The following CLDN16 variants were observed in gnomAD, a reference collection of about 807,000 sequenced individuals.
The protein encoded by CLDN16 is claudin-16.
A neutral mutation model predicts 24.6 loss-of-function variants in CLDN16; 13 were observed. The ratio of observed to expected loss-of-function variants is 0.53; its 90% CI spans 0.34 to 0.84. CLDN16 has a LOEUF of 0.84. Ranked by LOEUF, CLDN16 falls within the 40% of genes least tolerant of loss-of-function variation. CLDN16 has a pLI of 0.01. For synonymous variants in CLDN16, 116 were observed against 106.7 expected (o/e 1.09, Z -0.54); for missense variants, 298 against 292.7 (o/e 1.02, Z -0.13).
At chr3:190,386,348 C>T (rs756185756), upstream of CLDN16, among the ~76,000 whole-genome samples, 3 of 152,068 alleles carry the variant, frequency 2.0e-5, no homozygotes, top group African/African-American at 7.2e-5. Flanking sequence ...ATAGTTATAA[C>T]GATCGCTAAT....
At chr3:190,307,944 ACTGT>A in the CLDN16 span, 8 of 204,614 alleles carry the variant, frequency 3.9e-5, no homozygotes, top group Non-Finnish European at 7.1e-5. Context: ...ATAGTATTTT[ACTGT>A]CTATTTTTAA....
At chr3:190,362,318 C>A (rs1349274424) in intron 1 of CLDN16, among the ~76,000 whole-genome samples, 1 of 151,894 alleles carries the variant, frequency 6.6e-6, no homozygotes, top group Non-Finnish European at 1.5e-5. Flanking sequence ...GAACAGCTGA[C>A]ACCACCCAAG....
chr3:190,299,802 G>GA, the CLDN16 span, among the ~76,000 whole-genome samples: 1 of 152,100 alleles, frequency 6.6e-6, no homozygotes, highest in East Asian at 1.9e-4. Flanking sequence ...GAGGATTTAT[G>GA]AAAAAGTTTT....
At chr3:190,324,655 T>C (rs765466811) in intron 1 of CLDN16, among the ~76,000 whole-genome samples, 7 of 152,190 alleles carry the variant, frequency 4.6e-5, no homozygotes, top group Non-Finnish European at 8.8e-5. Context: ...GTTTTTGTTT[T>C]GTATTTCAGG....
chr3:190,334,717 C>T (rs1693460544), intron 1 of CLDN16, among the ~76,000 whole-genome samples: 1 of 152,210 alleles, frequency 6.6e-6, no homozygotes, highest in African/African-American at 2.4e-5. Flanking sequence ...TAACCCATCT[C>T]CCAGGTGCTA....
At chr3:190,361,355 G>A (rs77379409) in intron 1 of CLDN16, among the ~76,000 whole-genome samples, 15,678 of 151,982 alleles carry the variant, frequency 0.1, 1,097 homozygotes, top group African/African-American at 0.2. Flanking sequence ...CCTAACCGAC[G>A]CCATCTTGCC....
chr3:190,324,065 G>A (rs1189291294), intron 1 of CLDN16, among the ~76,000 whole-genome samples: 3 of 152,178 alleles, frequency 2.0e-5, no homozygotes, highest in Non-Finnish European at 4.4e-5. Flanking sequence ...AAAATTCCCT[G>A]ATCAGAGAAG....
At chr3:190,404,990 A>G (rs1719057339) in intron 3 of CLDN16, 64 bp downstream of exon 3, 3 of 1,524,346 alleles carry the variant, frequency 2.0e-6, no homozygotes, top group Admixed American at 3.3e-5. Flanking sequence ...GAGGTGAAGG[A>G]GAGAGTTGTG....
the CLDN16 span, among the ~76,000 whole-genome samples, chr3:190,298,876 T>A: frequency 6.6e-6 from 1 of 152,230 alleles, no homozygotes; most frequent in Non-Finnish European, 1.5e-5. Context: ...AGTGAAAATT[T>A]TAAAGGTTTC....
chr3:190,290,439 G>C, the CLDN16 span, among the ~76,000 whole-genome samples: 3 of 152,118 alleles, frequency 2.0e-5, no homozygotes, highest in African/African-American at 7.2e-5. Flanking sequence ...ATTAGGTTTA[G>C]TCTAAATTGT....
At chr3:190,335,708 CAAAAAAAAAAAAA>C (rs34082811) in intron 1 of CLDN16, among the ~76,000 whole-genome samples, 2 of 60,136 alleles carry the variant, frequency 3.3e-5, no homozygotes, top group South Asian at 9.3e-4. Flanking sequence ...AAGACTCCAT[CAAAAAAAAAAAAA>C]AAAAAAAAAA....
At position 190,410,927 on chromosome 3, in the gene CLDN16, A is replaced by T. The variant is rs1719261560; in HGVS notation, c.*891A>T. The T allele has an allele frequency of 6.6e-6, 1 of 152,214 alleles. No individual in the cohort carries two copies. Among genetic ancestry groups the T allele is most frequent in the Admixed American group, 6.5e-5 (1 of 15,282 alleles). The allele number at this position is 152,214 out of a possible 1,614,324, so 9.4% of individuals were successfully genotyped here. A position where few individuals can be genotyped will look rare whatever the true frequency, so the allele number is the denominator to read the frequency against. ...ACATATGGCAAAATTCAACAAATAT[A>T]TTTTGATATAAATAAATAAACGTTC... is the stretch of plus-strand genomic sequence containing the variant. On this transcript the variant is annotated 3_prime_UTR_variant, in exon 5 of 5. Coordinates refer to ENST00000264734, the MANE Select transcript of CLDN16 (RefSeq NM_006580.4).
At chr3:190,388,010 A>G, upstream of CLDN16, 1 of 1,021,908 alleles carries the variant, frequency 9.8e-7, no homozygotes, top group South Asian at 1.4e-5. Context: ...GACCACCACT[A>G]GCCCACAGTT....
chr3:190,380,477 T>C (rs1294622157), intron 3 of CLDN16, among the ~76,000 whole-genome samples: 2 of 151,900 alleles, frequency 1.3e-5, no homozygotes, highest in Admixed American at 6.6e-5. Flanking sequence ...GTAGGGAAAA[T>C]AAAAAAGCAT....
chr3:190,358,672 A>AAAC (rs199596629), intron 1 of CLDN16, among the ~76,000 whole-genome samples: 4,288 of 151,266 alleles, frequency 0.028, 94 homozygotes, highest in East Asian at 0.055. Context: ...AAATTAAAAA[A>AAAC]AACAACAAGT....
the CLDN16 span, among the ~76,000 whole-genome samples, chr3:190,315,467 A>C: frequency 6.6e-6 from 1 of 152,168 alleles, no homozygotes; most frequent in African/African-American, 2.4e-5. Context: ...AAGAAGATGG[A>C]TTCTATTCTA....
chr3:190,298,665 C>A, the CLDN16 span, among the ~76,000 whole-genome samples: 1 of 151,862 alleles, frequency 6.6e-6, no homozygotes, highest in African/African-American at 2.4e-5. Context: ...ATGTTTCTCC[C>A]GACCTCAGGT....
the CLDN16 span, among the ~76,000 whole-genome samples, chr3:190,291,430 G>GGGGCC: frequency 6.6e-6 from 1 of 152,212 alleles, no homozygotes; most frequent in Admixed American, 6.5e-5. Flanking sequence ...GGGTGTAACA[G>GGGGCC]AAGTGAAGAG....
At chr3:190,346,487 A>C (rs1717552808) in intron 1 of CLDN16, among the ~76,000 whole-genome samples, 1 of 152,144 alleles carries the variant, frequency 6.6e-6, no homozygotes, top group Non-Finnish European at 1.5e-5. Flanking sequence ...TAATAACTAA[A>C]TTTTATTTTA....
Sources: allele counts gnomAD v4.1 joint callset (sites outside exome capture counted in the v4.1 genomes callset), GRCh38; gene constraint gnomAD v4.1.1; transcripts MANE v1.5; gene names NCBI Gene and HGNC (gene_info 2026-07-23, HGNC 2026-07-21).